The following SYNE3 variants were observed in gnomAD, a reference collection of about 807,000 sequenced individuals.
The protein encoded by SYNE3 is nesprin-3.
A neutral mutation model predicts 111.2 loss-of-function variants in SYNE3; 100 were observed. That is an observed-to-expected ratio of 0.90 (90% CI 0.77 to 1.06). The LOEUF (loss-of-function observed/expected upper bound fraction) is 1.06, where lower values mean the gene tolerates loss of function less well. SYNE3 is among the 50% of genes least tolerant of loss of function. The probability of loss-of-function intolerance (pLI) is 0.00; values close to 1 mark genes in which losing one functional copy is unlikely to be tolerated. For synonymous variants in SYNE3, 547 were observed against 533.9 expected (o/e 1.02, Z -0.34); for missense variants, 1,160 against 1,240.3 (o/e 0.94, Z 0.97).
At chr14:95,434,660 C>CT (rs11300766) in intron 15 of SYNE3, among the ~76,000 whole-genome samples, 3 of 151,882 alleles carry the variant, frequency 2.0e-5, no homozygotes, top group South Asian at 2.1e-4. Flanking sequence ...TATCCTAAAT[C>CT]TTTTTTTTCT....
chr14:95,460,367 G>GTTTTTTTTTTTTTT (rs548346693), intron 4 of SYNE3, among the ~76,000 whole-genome samples: 2 of 85,238 alleles, frequency 2.3e-5, no homozygotes, highest in Non-Finnish European at 4.4e-5. Context: ...ACGATGCCTA[G>GTTTTTTTTTTTTTT]TTTTTTTTTT....
At chr14:95,449,772 C>T (rs963534162) in intron 8 of SYNE3, among the ~76,000 whole-genome samples, 159 bp downstream of exon 8, 37 of 152,232 alleles carry the variant, frequency 2.4e-4, no homozygotes, top group African/African-American at 8.9e-4. Context: ...CAAGCATGGA[C>T]GCTCCCTGTG....
intron 9 of SYNE3, 23 bp downstream of exon 9, chr14:95,445,886 A>G (rs201457491): frequency 9.9e-6 from 16 of 1,609,708 alleles, no homozygotes; most frequent in South Asian, 2.2e-5. Context: ...CCAAGTCCCG[A>G]GCAGATGCCT....
intron 4 of SYNE3, among the ~76,000 whole-genome samples, chr14:95,462,309 C>T (rs1454648799): frequency 2.0e-5 from 3 of 152,168 alleles, no homozygotes; most frequent in East Asian, 1.9e-4. Context: ...AAGAGCTGAC[C>T]GGGCTCCCTG....
At chr14:95,473,524 CA>C (rs1490158952) in intron 2 of SYNE3, among the ~76,000 whole-genome samples, 1 of 152,030 alleles carries the variant, frequency 6.6e-6, no homozygotes, top group Admixed American at 6.6e-5. Context: ...CCCAGACCCA[CA>C]CAAAAAAGCA....
At chr14:95,442,992 A>C (rs1161362171) in intron 11 of SYNE3, among the ~76,000 whole-genome samples, 163 bp downstream of exon 11, 1 of 152,196 alleles carries the variant, frequency 6.6e-6, no homozygotes, top group Admixed American at 6.5e-5. Context: ...GAGGTGCTCA[A>C]TAATTGTCTG....
chr14:95,409,257 T>C lies in SYNE3; in HGVS notation c.*8569A>G, dbSNP rs183003154. 0.01 allele frequency: 4,636 copies of C among 456,736 alleles called. 259 individuals are homozygous for C. Among genetic ancestry groups the C allele is most frequent in the Admixed American group, 0.095 (4,040 of 42,580 alleles). The allele number at this position is 456,736 out of a possible 1,614,324, so 28.3% of individuals were successfully genotyped here. ...GGCAGGCTGCTGACCCTCTCCACAC[T>C]CTGGTTTCTGATCATGACTCCATAG... On this transcript the variant is annotated 3_prime_UTR_variant, in exon 18 of 18. Coordinates refer to ENST00000682763, the MANE Select transcript of SYNE3 (RefSeq NM_152592.6).
At chr14:95,499,910 A>AGT (rs1207704090) in intron 1 of SYNE3, among the ~76,000 whole-genome samples, 1 of 125,178 alleles carries the variant, frequency 8.0e-6, no homozygotes, top group Non-Finnish European at 1.6e-5. Context: ...CCCAGGCTGG[A>AGT]GTGCAGTGGC....
chr14:95,439,855 G>C, intron 12 of SYNE3, 59 bp downstream of exon 12: 2 of 1,591,798 alleles, frequency 1.3e-6, no homozygotes, highest in East Asian at 2.2e-5. Flanking sequence ...CTTGGTGTGG[G>C]AACGTTGGCC....
chr14:95,494,433 C>G (rs1021961534), intron 1 of SYNE3, among the ~76,000 whole-genome samples: 33 of 152,196 alleles, frequency 2.2e-4, no homozygotes, highest in Admixed American at 1.0e-3. Context: ...ACTGGCGAGA[C>G]CAAAAGCTGG....
intron 1 of SYNE3, among the ~76,000 whole-genome samples, chr14:95,512,813 A>C (rs6575517): frequency 6.6e-6 from 1 of 150,502 alleles, no homozygotes; most frequent in African/African-American, 2.4e-5. Flanking sequence ...ATCCGAGATC[A>C]GGCCACTGCA....
rs958148835 is a variant in SYNE3 at position 95,415,165 on chromosome 14, A to C, written c.*2661T>G. ...GTACCACCTGAGGGCCATGGTGGCCAGTTGGGCTCTGGCCTTGCTGCCTCT... is the reference window on the plus strand; with the variant it reads ...GTACCACCTGAGGGCCATGGTGGCCCGTTGGGCTCTGGCCTTGCTGCCTCT... On this transcript the variant is annotated 3_prime_UTR_variant, in exon 18 of 18. Transcript: ENST00000682763. 1 of 152,188 alleles carries C rather than the reference A, an allele frequency of 6.6e-6. No homozygotes were observed. The highest frequency in any genetic ancestry group is 2.4e-5 in the African/African-American group (1 of 41,442). The allele number at this position is 152,188 out of a possible 1,614,324, so 9.4% of individuals were successfully genotyped here. A position where few individuals can be genotyped will look rare whatever the true frequency, so the allele number is the denominator to read the frequency against.
intron 4 of SYNE3, among the ~76,000 whole-genome samples, chr14:95,463,528 T>C (rs1887973942): frequency 1.3e-5 from 2 of 152,242 alleles, no homozygotes; most frequent in Admixed American, 1.3e-4. Context: ...CAAGCACCTG[T>C]TTCCTGTAAA....
chr14:95,495,794 C>G (rs1890065932), intron 1 of SYNE3, among the ~76,000 whole-genome samples: 2 of 152,244 alleles, frequency 1.3e-5, no homozygotes, highest in Admixed American at 1.3e-4. Flanking sequence ...TCACACCCAA[C>G]TGACTGAGAG....
At chr14:95,484,868 C>T (rs564006777) in intron 1 of SYNE3, among the ~76,000 whole-genome samples, 9 of 152,258 alleles carry the variant, frequency 5.9e-5, no homozygotes, top group Admixed American at 4.6e-4. Flanking sequence ...AAACCAAAAT[C>T]CTTTGAGGAA....
At chr14:95,433,454 GA>G in intron 15 of SYNE3, 45 bp from the exon 16 acceptor site, 1 of 1,607,898 alleles carries the variant, frequency 6.2e-7, no homozygotes, top group Non-Finnish European at 8.5e-7. Flanking sequence ...AAATGGCCCA[GA>G]CAGCCCCACC....
chr14:95,493,586 C>A (rs1333141759), intron 1 of SYNE3, among the ~76,000 whole-genome samples: 3 of 152,196 alleles, frequency 2.0e-5, no homozygotes, highest in Non-Finnish European at 4.4e-5. Flanking sequence ...AACAACAGAA[C>A]AAACAGAAAA....
intron 16 of SYNE3, 65 bp from the exon 17 acceptor site, chr14:95,432,182 T>G: frequency 6.5e-7 from 1 of 1,542,936 alleles, no homozygotes. Context: ...GAAACTTAAA[T>G]CCCAACAGAG....
intron 1 of SYNE3, chr14:95,516,344 G>A (rs1037505773): frequency 1.7e-4 from 26 of 152,380 alleles, no homozygotes; most frequent in African/African-American, 6.3e-4. Flanking sequence ...GGGTTGAAAG[G>A]AAAGGCTCGG....
Sources: allele counts gnomAD v4.1 joint callset (sites outside exome capture counted in the v4.1 genomes callset), GRCh38; gene constraint gnomAD v4.1.1; transcripts MANE v1.5; gene names NCBI Gene and HGNC (gene_info 2026-07-23, HGNC 2026-07-21).